The following RBFOX1 variants were observed in gnomAD, a reference collection of about 807,000 sequenced individuals.
RBFOX1 encodes the protein RNA binding protein fox-1 homolog 1.
A neutral mutation model predicts 57.7 loss-of-function variants in RBFOX1; 8 were observed. That is an observed-to-expected ratio of 0.14 (90% confidence interval 0.08 to 0.25). RBFOX1 has a LOEUF of 0.25. Among genes scored for constraint, RBFOX1 ranks in the 10% least tolerant of loss-of-function variants. The pLI is 1.00. For synonymous variants in RBFOX1, 326 were observed against 222.4 expected, an observed-to-expected ratio of 1.47 and a Z score of -4.15; for missense variants, 611 against 548.5, an observed-to-expected ratio of 1.11 and a Z score of -1.14.
chr16:7,192,320 G>C (rs1314626662), intron 4 of RBFOX1, among the ~76,000 whole-genome samples: 1 of 152,172 alleles, frequency 6.6e-6, no homozygotes, highest in Admixed American at 6.5e-5. Flanking sequence ...ATATTCAGTG[G>C]AGAGGTTCCA....
chr16:6,153,894 C>T (rs2096820323), intron 1 of RBFOX1, among the ~76,000 whole-genome samples: 3 of 152,222 alleles, frequency 2.0e-5, no homozygotes, highest in African/African-American at 7.2e-5. Flanking sequence ...TGAGTGAGAA[C>T]ATACAATGTT....
chr16:7,487,770 G>C (rs1301874267), intron 4 of RBFOX1, among the ~76,000 whole-genome samples: 1 of 152,130 alleles, frequency 6.6e-6, no homozygotes, highest in Non-Finnish European at 1.5e-5. Flanking sequence ...TCCTCATTCA[G>C]CACTTGGACA....
chr16:6,654,732 C>T (rs72762974), intron 3 of RBFOX1, 82 bp downstream of exon 3: 95,305 of 1,043,130 alleles, frequency 0.091, 4,821 homozygotes, highest in African/African-American at 0.11. Context: ...AGGCATGCCC[C>T]TCTCGATGAT....
chr16:5,831,690 T>C (rs375062785), intron 3 of RBFOX1, among the ~76,000 whole-genome samples: 6 of 151,942 alleles, frequency 3.9e-5, no homozygotes, highest in Admixed American at 2.0e-4. Flanking sequence ...GGTTTCACCA[T>C]GTTGGAGAGG....
intron 4 of RBFOX1, among the ~76,000 whole-genome samples, chr16:7,172,063 T>TA (rs764436262): frequency 2.8e-5 from 3 of 109,024 alleles, no homozygotes; most frequent in African/African-American, 9.2e-5. Flanking sequence ...ATTGGGCAAT[T>TA]TAGAAAAAAA....
intron 1 of RBFOX1, among the ~76,000 whole-genome samples, chr16:5,256,633 A>G (rs926837015): frequency 6.6e-6 from 1 of 152,120 alleles, no homozygotes; most frequent in Non-Finnish European, 1.5e-5. Context: ...GAAGCTTTCT[A>G]TTAAAAAAAA....
intron 4 of RBFOX1, among the ~76,000 whole-genome samples, chr16:7,076,384 G>A (rs973940693): frequency 1.3e-5 from 2 of 151,768 alleles, no homozygotes; most frequent in African/African-American, 4.8e-5. Flanking sequence ...TATTTTACCC[G>A]AGTCTTTGTC....
At chr16:7,557,277 C>A (rs1181219120) in intron 5 of RBFOX1, among the ~76,000 whole-genome samples, 1 of 151,834 alleles carries the variant, frequency 6.6e-6, no homozygotes, top group African/African-American at 2.4e-5. Flanking sequence ...AATTGTAAAG[C>A]AACTGGAAAA....
At chr16:5,978,825 A>G (rs1330143029) in intron 4 of RBFOX1, among the ~76,000 whole-genome samples, 1 of 152,042 alleles carries the variant, frequency 6.6e-6, no homozygotes, top group Non-Finnish European at 1.5e-5. Flanking sequence ...ACACTGCAGA[A>G]GTGAAATGCT....
intron 4 of RBFOX1, among the ~76,000 whole-genome samples, chr16:7,387,243 A>G (rs1410830535): frequency 6.6e-6 from 1 of 152,156 alleles, no homozygotes; most frequent in South Asian, 2.1e-4. Flanking sequence ...ACCATGCATT[A>G]TCTTGCTAAA....
At chr16:6,356,215 C>G (rs185256689) in intron 2 of RBFOX1, among the ~76,000 whole-genome samples, 67 of 152,274 alleles carry the variant, frequency 4.4e-4, no homozygotes, top group African/African-American at 1.5e-3. Flanking sequence ...TGGTGGCTTT[C>G]TTCCAGAGAG....
chr16:7,421,423 C>T (rs1488978110), intron 4 of RBFOX1, among the ~76,000 whole-genome samples: 6 of 152,170 alleles, frequency 3.9e-5, no homozygotes, highest in African/African-American at 1.2e-4. Context: ...GGCACCCATA[C>T]GTACACATAT....
chr16:5,549,730 A>G (rs1378208207), intron 2 of RBFOX1, among the ~76,000 whole-genome samples: 1 of 152,222 alleles, frequency 6.6e-6, no homozygotes, highest in Non-Finnish European at 1.5e-5. Flanking sequence ...TGGTTAAGAA[A>G]TGCATATATA....
intron 3 of RBFOX1, among the ~76,000 whole-genome samples, chr16:5,848,212 G>C (rs765539838): frequency 2.6e-5 from 4 of 152,044 alleles, no homozygotes; most frequent in Non-Finnish European, 4.4e-5. Flanking sequence ...CTATATATAA[G>C]GTGGATATCT....
At chr16:6,648,592 C>T (rs933919638) in intron 2 of RBFOX1, among the ~76,000 whole-genome samples, 6 of 152,162 alleles carry the variant, frequency 3.9e-5, no homozygotes, top group Non-Finnish European at 5.9e-5. Context: ...TCCACTGCCA[C>T]ATCCCCTGGA....
chr16:7,384,516 G>C (rs2097845634), intron 4 of RBFOX1, among the ~76,000 whole-genome samples: 1 of 152,122 alleles, frequency 6.6e-6, no homozygotes, highest in African/African-American at 2.4e-5. Flanking sequence ...TGACATTTCT[G>C]TTACTCTGGC....
At chr16:7,361,046 G>A (rs868395096) in intron 4 of RBFOX1, among the ~76,000 whole-genome samples, 25 of 152,302 alleles carry the variant, frequency 1.6e-4, no homozygotes, top group African/African-American at 5.1e-4. Flanking sequence ...GCTTTGTGGC[G>A]TGGTAGATGT....
At chr16:5,384,818 A>G (rs34423265) in intron 1 of RBFOX1, among the ~76,000 whole-genome samples, 68,673 of 151,766 alleles carry the variant, frequency 0.45, 16,177 homozygotes, top group Non-Finnish European at 0.52. Context: ...TCACGTATAA[A>G]TGTGCCTCAT....
chr16:7,068,292 C>T (rs947095499), intron 4 of RBFOX1, among the ~76,000 whole-genome samples: 1 of 152,278 alleles, frequency 6.6e-6, no homozygotes, highest in Middle Eastern at 3.4e-3. Flanking sequence ...TCTAAGTAGA[C>T]TGATTCTCCA....
Sources: allele counts gnomAD v4.1 joint callset (sites outside exome capture counted in the v4.1 genomes callset), GRCh38; gene constraint gnomAD v4.1.1; transcripts MANE v1.5; gene names NCBI Gene and HGNC (gene_info 2026-07-23, HGNC 2026-07-21).